The following GPD2 variants were observed in gnomAD, a reference collection of about 807,000 sequenced individuals.
GPD2 encodes glycerol-3-phosphate dehydrogenase, mitochondrial.
GPD2 carries 54 observed loss-of-function variants against 82.4 expected under a neutral mutation model. That is an observed-to-expected ratio of 0.66 (90% CI 0.53 to 0.82). The LOEUF (loss-of-function observed/expected upper bound fraction) is 0.82, where lower values mean the gene tolerates loss of function less well. Among genes scored for constraint, GPD2 ranks in the 40% least tolerant of loss-of-function variants. The pLI, the probability that GPD2 is intolerant of heterozygous loss-of-function variation, is 0.00. For missense variants in GPD2, 748 were observed against 896.2 expected (o/e 0.83, Z 2.11); for synonymous variants, 288 against 306.1 (o/e 0.94, Z 0.62).
rs147095162 is a variant in GPD2 at position 156,458,909 on chromosome 2, C to T, written c.-8-17189C>T. Among the ~76,000 whole-genome samples, 24 of 152,072 alleles carry T rather than the reference C, an allele frequency of 1.6e-4. No individual in the cohort carries two copies. The East Asian group carries it at 4.6e-3, about 29-fold the overall frequency. On this transcript the variant is annotated intron_variant, in intron 1 of 16. Coordinates refer to ENST00000438166, the MANE Select transcript of GPD2 (RefSeq NM_000408.5). ...AAATAAAAATGATTCATAATACTACCATTCAAAGATGAGATTTTTAACATT... is the reference window on the plus strand; with the variant it reads ...AAATAAAAATGATTCATAATACTACTATTCAAAGATGAGATTTTTAACATT...
intron 13 of GPD2, among the ~76,000 whole-genome samples, chr2:156,577,193 A>G (rs1687852485): frequency 6.6e-6 from 1 of 152,180 alleles, no homozygotes; most frequent in South Asian, 2.1e-4. Flanking sequence ...CAGAAAAATC[A>G]ACTGATGGCT....
chr2:156,482,349 T>G (rs112005393), intron 2 of GPD2, among the ~76,000 whole-genome samples: 1 of 152,216 alleles, frequency 6.6e-6, no homozygotes, highest in South Asian at 2.1e-4. Context: ...CTAACTGTTA[T>G]AATAAGTTCC....
At chr2:156,484,795 G>A (rs910246577) in intron 2 of GPD2, among the ~76,000 whole-genome samples, 5 of 152,078 alleles carry the variant, frequency 3.3e-5, no homozygotes, top group Non-Finnish European at 7.4e-5. Context: ...AGCCGAGATC[G>A]CACCACTGCA....
chr2:156,415,728 G>A, the GPD2 span, among the ~76,000 whole-genome samples: 2 of 152,070 alleles, frequency 1.3e-5, no homozygotes, highest in Non-Finnish European at 2.9e-5. Flanking sequence ...GGTGGCACAT[G>A]CTTATAATCC....
At chr2:156,507,058 G>A (rs1364989325) in intron 3 of GPD2, among the ~76,000 whole-genome samples, 9 of 151,470 alleles carry the variant, frequency 5.9e-5, no homozygotes, top group Admixed American at 5.9e-4. Context: ...GTATCACCTA[G>A]GCTGGAGTGC....
intron 2 of GPD2, among the ~76,000 whole-genome samples, chr2:156,483,639 T>C (rs1683818925): frequency 1.3e-5 from 2 of 152,218 alleles, no homozygotes; most frequent in Admixed American, 1.3e-4. Flanking sequence ...CAAATGAGTA[T>C]TTGTTGAAGA....
Position 156,550,666 on chromosome 2 carries a change from G to A in GPD2, c.891G>A (p.Val297=), listed in dbSNP as rs1364003286. The part of the protein sequence containing the change: ...INATGPFTDS[V]RKMDDKDAAA... Reference sequence around the variant, plus strand: ...CCACGGGACCTTTCACGGACTCTGTGCGCAAAATGGATGATAAAGACGCAG... The same window carrying A: ...CCACGGGACCTTTCACGGACTCTGTACGCAAAATGGATGATAAAGACGCAG... Residue 297 remains valine (V), a synonymous_variant, in exon 8 of 17, where the codon GTG becomes GTA. Transcript: ENST00000438166. 6.2e-7 allele frequency: 1 copy of A among 1,613,792 alleles called. No homozygotes were observed. The highest frequency in any genetic ancestry group is 2.2e-5 in the East Asian group (1 of 44,872).
intron 6 of GPD2, among the ~76,000 whole-genome samples, chr2:156,537,483 G>A (rs1223386309): frequency 5.9e-5 from 9 of 152,162 alleles, no homozygotes; most frequent in Admixed American, 6.5e-5. Context: ...AATAGACGTG[G>A]TATGTCCCAG....
At chr2:156,439,368 A>G (rs1248689075) in intron 1 of GPD2, among the ~76,000 whole-genome samples, 4 of 151,782 alleles carry the variant, frequency 2.6e-5, no homozygotes, top group Non-Finnish European at 5.9e-5. Flanking sequence ...AGATCGCTTG[A>G]GCCCAGGAGT....
chr2:156,450,945 A>C (rs962951317), intron 1 of GPD2, among the ~76,000 whole-genome samples: 3 of 133,062 alleles, frequency 2.3e-5, no homozygotes, highest in African/African-American at 8.5e-5. Context: ...CCCTGAGTGG[A>C]CACAGCACAT....
chr2:156,438,889 TA>T (rs1373441655), intron 1 of GPD2, among the ~76,000 whole-genome samples: 1 of 152,236 alleles, frequency 6.6e-6, no homozygotes, highest in Admixed American at 6.5e-5. Context: ...TAAGACCTCG[TA>T]CAATCATTTT....
chr2:156,541,055 G>A (rs967944638), intron 6 of GPD2, among the ~76,000 whole-genome samples: 1 of 152,132 alleles, frequency 6.6e-6, no homozygotes, highest in Non-Finnish European at 1.5e-5. Context: ...AATATTTATT[G>A]AGAACTATTT....
intron 1 of GPD2, chr2:156,473,633 T>G (rs2105197068): frequency 2.0e-5 from 3 of 152,334 alleles, no homozygotes; most frequent in Middle Eastern, 6.8e-3. Context: ...GTGCGTTGTT[T>G]AAGGTAAATA....
the GPD2 span, among the ~76,000 whole-genome samples, chr2:156,405,265 G>T: frequency 6.6e-6 from 1 of 152,156 alleles, no homozygotes; most frequent in African/African-American, 2.4e-5. Context: ...AAGGAAAGGG[G>T]TGGTGTAAAG....
rs746974136 is a variant in GPD2, at chr2:156,550,607, G to A, written c.832G>A (p.Glu278Lys). Residue 278 changes from glutamate (E) to lysine (K), a missense_variant, in exon 8 of 17, where the codon GAA (glutamate) becomes AAA (lysine). Glu to Lys is a moderately conservative substitution (Grantham distance 56, BLOSUM62 1). Transcript: ENST00000438166. ...GATGCCACTTTCTTTCACAGGGCAG[G>A]AATTTGACGTGAGAGCCAAATGTGT... is the stretch of plus-strand genomic sequence containing the variant. ...ARCKDVLTGQ[E>K]FDVRAKCVIN... 11 of 1,613,894 alleles carry A rather than the reference G, an allele frequency of 6.8e-6. No homozygotes were observed. In the South Asian group the frequency reaches 8.8e-5, roughly 13 times the overall value.
At chr2:156,429,351 G>T in the GPD2 span, among the ~76,000 whole-genome samples, 1 of 152,196 alleles carries the variant, frequency 6.6e-6, no homozygotes, top group Non-Finnish European at 1.5e-5. Flanking sequence ...CATGTTCTCT[G>T]CAAGAGTTTC....
At chr2:156,402,127 T>C in the GPD2 span, among the ~76,000 whole-genome samples, 15 of 152,362 alleles carry the variant, frequency 9.8e-5, no homozygotes, top group South Asian at 3.1e-3. Context: ...GAGGCAAGAT[T>C]GGAACACACA....
In GPD2 at chr2:156,496,075, G is replaced by A. The variant is rs1368866665; in HGVS notation, c.134G>A (p.Cys45Tyr). ...CTGGCCTATGTTAAAGCAGCAGACT[G>A]CATTTCAGAACCAGTTAACAGGGAG... ...MNLAYVKAAD[C>Y]ISEPVNREPP... is the part of the protein sequence containing the mutation. The change falls in exon 3 of 17, where the codon TGC becomes TAC. Residue 45 changes from cysteine (C) to tyrosine (Y), a missense_variant. Cys to Tyr is a radical substitution (Grantham distance 194). Transcript: ENST00000438166. 5.0e-6 allele frequency: 8 copies of A among 1,613,122 alleles called. No individual in the cohort carries two copies. The highest frequency in any genetic ancestry group is 6.8e-6 in the Non-Finnish European group (8 of 1,179,208).
chr2:156,451,061 T>C (rs1432909231), intron 1 of GPD2, among the ~76,000 whole-genome samples: 1 of 146,180 alleles, frequency 6.8e-6, no homozygotes, highest in Non-Finnish European at 1.5e-5. Flanking sequence ...CCATGTCTAC[T>C]TCTTTCTACA....
Sources: gnomAD v4.1 joint callset for allele counts (sites outside exome capture counted in the v4.1 genomes callset) on GRCh38, gnomAD v4.1.1 for gene constraint, MANE v1.5 for transcripts, NCBI Gene and HGNC (gene_info 2026-07-23, HGNC 2026-07-21) for gene names.